The following TMPRSS15 variants were observed in gnomAD, a reference collection of about 807,000 sequenced individuals.
The protein encoded by TMPRSS15 is enteropeptidase.
In TMPRSS15, 128 loss-of-function variants were observed where a neutral mutation model predicts 125.3. That is an observed-to-expected ratio of 1.02 (90% confidence interval 0.89 to 1.18). The LOEUF is 1.18. TMPRSS15 is among the 50% of genes most tolerant of loss of function. The pLI is 0.00. For synonymous variants in TMPRSS15, 446 were observed against 423.2 expected (o/e 1.05, Z -0.66); for missense variants, 1,283 against 1,212.7 (o/e 1.06, Z -0.86).
intron 1 of TMPRSS15, among the ~76,000 whole-genome samples, chr21:18,457,144 T>C (rs1978457197): frequency 6.6e-6 from 1 of 152,122 alleles, no homozygotes. Flanking sequence ...ATTTGGTAGA[T>C]TGTTGAAATA....
chr21:18,350,860 G>A (rs2075561353), intron 10 of TMPRSS15, among the ~76,000 whole-genome samples: 1 of 151,864 alleles, frequency 6.6e-6, no homozygotes, highest in South Asian at 2.1e-4. Context: ...TATTCTGAAT[G>A]ACTTGAATAA....
Position 18,329,210 on chromosome 21 carries a change from A to C in TMPRSS15, c.1739T>G (p.Val580Gly), listed in dbSNP as rs762326416. 7 of 1,612,676 alleles carry C rather than the reference A, an allele frequency of 4.3e-6. No homozygotes were observed. The South Asian group carries it at 7.7e-5, about 18-fold the overall frequency. Residue 580 changes from valine to glycine, a missense_variant, in exon 15 of 25, where the codon GTT (valine) becomes GGT (glycine). Val to Gly is a moderately radical substitution (Grantham distance 109). Transcript: ENST00000284885. The stretch of plus-strand genomic sequence containing the variant: ...AGCTTCTTCACCATCTCTTATTTCA[A>C]CTACATCGTTAATATTTTCTAAGTC... ...EFDLENINDV[V>G]EIRDGEEADS...
chr21:18,336,108 C>T (rs997280764), intron 13 of TMPRSS15, among the ~76,000 whole-genome samples: 2 of 151,956 alleles, frequency 1.3e-5, no homozygotes, highest in Non-Finnish European at 2.9e-5. Flanking sequence ...ATTTTTTACT[C>T]CATGCTTAAG....
chr21:18,384,468 C>T (rs1450827492), intron 3 of TMPRSS15, among the ~76,000 whole-genome samples: 1 of 152,106 alleles, frequency 6.6e-6, no homozygotes, highest in Admixed American at 6.5e-5. Context: ...TAGCCCTAAT[C>T]ATCTTCCCCC....
chr21:18,348,099 C>T (rs2075528067), intron 10 of TMPRSS15, among the ~76,000 whole-genome samples: 2 of 152,182 alleles, frequency 1.3e-5, no homozygotes, highest in South Asian at 2.1e-4. Context: ...GTGGGAGTAT[C>T]TCTTGAGCCC....
intron 5 of TMPRSS15, 125 bp from the exon 6 acceptor site, chr21:18,372,449 T>C: frequency 2.5e-6 from 2 of 807,610 alleles, no homozygotes; most frequent in Non-Finnish European, 3.9e-6. Flanking sequence ...CATAGGAATA[T>C]TTATTTCATT....
rs146780033 is a variant in TMPRSS15, at chr21:18,414,727, A to G, written c.11-16398T>C. 8.5e-3 allele frequency among the ~76,000 whole-genome samples: 1,301 copies of G among 152,304 alleles called. 24 individuals are homozygous for G. The highest frequency in any genetic ancestry group is 0.029 in the African/African-American group (1,199 of 41,566). ...CTGAATAATAATCCATTTTATGCAT[A>G]TATCACATGCTTCTTTATCCATTTA... is the stretch of plus-strand genomic sequence containing the variant. On this transcript the variant is annotated intron_variant, in intron 1 of 7. Transcript: ENST00000422787.
intron 1 of TMPRSS15, among the ~76,000 whole-genome samples, chr21:18,448,087 A>G (rs1193375928): frequency 2.0e-5 from 3 of 152,210 alleles, no homozygotes; most frequent in Non-Finnish European, 4.4e-5. Flanking sequence ...TATAAATACC[A>G]TATGATCCAG....
chr21:18,435,502 GC>G lies in TMPRSS15; in HGVS notation c.11-37174del, dbSNP rs2076225862. Among the ~76,000 whole-genome samples, 3 of 152,270 alleles carry G rather than the reference GC, an allele frequency of 2.0e-5. No individual in the cohort carries two copies. In the South Asian group the frequency reaches 6.2e-4, roughly 32 times the overall value. On this transcript the variant is annotated intron_variant, in intron 1 of 7. Coordinates refer to the TMPRSS15 transcript ENST00000422787. Reference sequence around the variant, plus strand: ...AAGCCCACTTGTTCATGGGGGATAAGCTTTTTGATGTGCTGCTAGATTCGGT... The same window carrying G: ...AAGCCCACTTGTTCATGGGGGATAAGTTTTTGATGTGCTGCTAGATTCGGT...
chr21:18,411,847 C>T (rs1031290066), intron 1 of TMPRSS15, among the ~76,000 whole-genome samples: 1 of 152,094 alleles, frequency 6.6e-6, no homozygotes, highest in African/African-American at 2.4e-5. Flanking sequence ...CATGCTGAAC[C>T]GCATAGCACT....
upstream of TMPRSS15, among the ~76,000 whole-genome samples, chr21:18,405,304 C>T (rs1398862921): frequency 2.6e-5 from 4 of 152,022 alleles, no homozygotes; most frequent in East Asian, 1.9e-4. Flanking sequence ...CACAAATTCT[C>T]CTCAAATAAT....
At chr21:18,303,454 G>C (rs2074994955) in intron 18 of TMPRSS15, among the ~76,000 whole-genome samples, 1 of 152,132 alleles carries the variant, frequency 6.6e-6, no homozygotes, top group African/African-American at 2.4e-5. Context: ...TTCAAAAATT[G>C]TTCTTCATCT....
intron 1 of TMPRSS15, among the ~76,000 whole-genome samples, chr21:18,422,873 G>C (rs1018981024): frequency 6.6e-6 from 1 of 152,198 alleles, no homozygotes. Context: ...AGGTGGATGG[G>C]AAATAGCAGT....
At chr21:18,468,013 A>G (rs1327453296) in intron 1 of TMPRSS15, among the ~76,000 whole-genome samples, 1 of 152,094 alleles carries the variant, frequency 6.6e-6, no homozygotes, top group Non-Finnish European at 1.5e-5. Context: ...AGAACTTTTG[A>G]AAGTTCCACA....
intron 1 of TMPRSS15, among the ~76,000 whole-genome samples, chr21:18,481,800 A>G (rs954769025): frequency 6.6e-6 from 1 of 151,726 alleles, no homozygotes; most frequent in Non-Finnish European, 1.5e-5. Context: ...CATTAAAAAC[A>G]TCCTTTAATC....
At chr21:18,380,154 G>A (rs527327106) in intron 4 of TMPRSS15, among the ~76,000 whole-genome samples, 11 of 141,902 alleles carry the variant, frequency 7.8e-5, no homozygotes, top group Admixed American at 1.5e-4. Flanking sequence ...ATTTGGAGCC[G>A]TTTATGGAGA....
chr21:18,475,147 A>C (rs1218983195), intron 1 of TMPRSS15, among the ~76,000 whole-genome samples: 1 of 152,018 alleles, frequency 6.6e-6, no homozygotes, highest in Non-Finnish European at 1.5e-5. Flanking sequence ...GTATCAATCC[A>C]ATAGAGATTC....
intron 4 of TMPRSS15, chr21:18,380,470 G>A (rs1409382811): frequency 1.4e-5 from 6 of 442,548 alleles, no homozygotes; most frequent in African/African-American, 6.1e-5. Flanking sequence ...AGAAAAAAAT[G>A]TATATTTTCC....
chr21:18,336,861 T>C (rs2075397489), intron 13 of TMPRSS15, among the ~76,000 whole-genome samples: 1 of 142,866 alleles, frequency 7.0e-6, no homozygotes. Context: ...AGAGGTAAAA[T>C]AATTAAATCA....
Sources: allele counts gnomAD v4.1 joint callset (sites outside exome capture counted in the v4.1 genomes callset), GRCh38; gene constraint gnomAD v4.1.1; transcripts MANE v1.5; gene names NCBI Gene and HGNC (gene_info 2026-07-23, HGNC 2026-07-21).